SCLT1: variants seen among roughly 807,000 people sequenced by gnomAD.
SCLT1 encodes sodium channel-associated protein 1.
Under a neutral mutation model 112.8 loss-of-function variants are expected in SCLT1, and 78 were observed. The ratio of observed to expected loss-of-function variants is 0.69; its 90% confidence interval spans 0.58 to 0.83. The LOEUF (loss-of-function observed/expected upper bound fraction) is 0.83. Among genes scored for constraint, SCLT1 ranks in the 40% least tolerant of loss-of-function variants. The pLI, the probability that SCLT1 is intolerant of heterozygous loss-of-function variation, is 0.00. For missense variants in SCLT1, 747 were observed against 770.4 expected (o/e 0.97, Z 0.36); for synonymous variants, 257 against 254.7 (o/e 1.01, Z -0.09).
In SCLT1 at chr4:128,970,445, A is replaced by G. The variant is rs112139528; in HGVS notation, c.710T>C (p.Val237Ala). Residue 237 changes from valine (V) to alanine (A), a missense_variant, in exon 10 of 21, where the codon GTT becomes GCT. Physicochemically the swap from Val to Ala is moderately conservative, Grantham distance 64. Around this residue, in one of 2 missense-constraint regions of SCLT1, gnomAD observed 723 missense variants for 721.3 expected, o/e 1.00. Transcript: ENST00000281142. The stretch of plus-strand genomic sequence containing the variant: ...TAACTCTTCCACTTTTGCTACAGCA[A>G]CTCTCAGCTCTAATTTGGCTTGCCT... Reference protein sequence around the residue: ...KLRQAKLELRVAVAKVEELTN... With the variant: ...KLRQAKLELRAAVAKVEELTN... 1 of 1,604,598 alleles carries G rather than the reference A, an allele frequency of 6.2e-7. No homozygotes were observed. Among genetic ancestry groups the G allele is most frequent in the East Asian group, 2.2e-5 (1 of 44,724 alleles).
Position 128,999,717 on chromosome 4 carries a change from A to C in SCLT1, c.504T>G (p.His168Gln). 6.2e-7 allele frequency: 1 copy of C among 1,608,206 alleles called. No homozygotes were observed. The highest frequency in any genetic ancestry group is 8.5e-7 in the Non-Finnish European group (1 of 1,175,728). ...LDRLHKLYQEHMTEAQIHVFE... is the reference protein window; with the variant it reads ...LDRLHKLYQEQMTEAQIHVFE... ...ATACATGAATCTGGGCCTCAGTCAT[A>C]TGTTCCTGGTAAAGCTTGTGTAGTC... Residue 168 changes from histidine (H) to glutamine (Q), a missense_variant, in exon 7 of 21, where the codon CAT becomes CAG. Physicochemically the swap from His to Gln is conservative, Grantham distance 24. Around this residue, in one of 2 missense-constraint regions of SCLT1, gnomAD observed 723 missense variants for 721.3 expected, o/e 1.00. Coordinates refer to ENST00000281142, the MANE Select transcript of SCLT1 (RefSeq NM_144643.4).
intron 1 of SCLT1, among the ~76,000 whole-genome samples, chr4:129,091,544 T>C (rs72927913): frequency 0.014 from 2,178 of 152,138 alleles, 47 homozygotes; most frequent in African/African-American, 0.044. Context: ...AACCAATTCC[T>C]GTCCCACACT....
chr4:129,061,225 C>T (rs1042988503), intron 2 of SCLT1, among the ~76,000 whole-genome samples: 5 of 152,034 alleles, frequency 3.3e-5, no homozygotes, highest in East Asian at 1.9e-4. Context: ...AGGGCAGATG[C>T]GCGGCAGCAA....
rs189433518 is a variant in SCLT1, at chr4:128,943,201, C to T, written c.1440-13G>A. On this transcript the variant is annotated splice_polypyrimidine_tract_variant and intron_variant, in intron 16 of 20. Transcript: ENST00000281142. ...TTCTTCTGAGGAGCTGATTAAAAAA[C>T]GAAATGAAAAGAATCCTTAAACTTA... 117 of 1,572,518 alleles carry T rather than the reference C, an allele frequency of 7.4e-5. No homozygotes were observed. The African/African-American group carries it at 1.1e-3, about 15-fold the overall frequency.
chr4:128,891,138 C>T lies in SCLT1; in HGVS notation c.1830-1G>A. 1 of 1,607,658 alleles carries T rather than the reference C, an allele frequency of 6.2e-7. No homozygotes were observed. The highest frequency in any genetic ancestry group is 8.5e-7 in the Non-Finnish European group (1 of 1,175,142). ...AAGTTTCTGTCGACTCAGCTCACTC[C>T]TATTAAGAGCACCAAAAAATCCATT... On this transcript the variant is annotated splice_acceptor_variant, in intron 18 of 20. Transcript: ENST00000281142. LOFTEE classifies it high-confidence loss of function.
At chr4:128,953,121 T>G (rs1189763185) in intron 13 of SCLT1, among the ~76,000 whole-genome samples, 1 of 152,136 alleles carries the variant, frequency 6.6e-6, no homozygotes, top group Non-Finnish European at 1.5e-5. Flanking sequence ...TTATAATGGG[T>G]TCTATGAAAA....
intron 2 of SCLT1, among the ~76,000 whole-genome samples, chr4:129,081,557 A>C (rs1751940094): frequency 6.6e-6 from 1 of 152,114 alleles, no homozygotes; most frequent in Non-Finnish European, 1.5e-5. Context: ...GAGCAGGAGG[A>C]AGAGAGAGAA....
At chr4:129,051,409 T>C (rs1485000918) in intron 2 of SCLT1, among the ~76,000 whole-genome samples, 4 of 152,254 alleles carry the variant, frequency 2.6e-5, no homozygotes, top group Non-Finnish European at 2.9e-5. Context: ...CCTTGAGCAG[T>C]GGTTTGTAGT....
intron 2 of SCLT1, among the ~76,000 whole-genome samples, chr4:129,067,343 T>A (rs1397628285): frequency 6.6e-6 from 1 of 151,804 alleles, no homozygotes; most frequent in East Asian, 1.9e-4. Flanking sequence ...AATGATATGT[T>A]CACATGGTTC....
intron 5 of SCLT1, among the ~76,000 whole-genome samples, chr4:129,028,734 A>T (rs1200954567): frequency 6.6e-6 from 1 of 152,176 alleles, no homozygotes; most frequent in Non-Finnish European, 1.5e-5. Flanking sequence ...ATCAGAGTGA[A>T]CAGGCAACCT....
chr4:129,086,646 T>C (rs1752419582), intron 1 of SCLT1, among the ~76,000 whole-genome samples: 1 of 152,108 alleles, frequency 6.6e-6, no homozygotes, highest in Non-Finnish European at 1.5e-5. Context: ...GAGGTGTTAC[T>C]GGGCATCAGC....
intron 18 of SCLT1, among the ~76,000 whole-genome samples, chr4:128,907,121 A>T (rs1262497776): frequency 4.0e-5 from 5 of 123,928 alleles, no homozygotes; most frequent in Non-Finnish European, 8.0e-5. Context: ...TGAGATACAG[A>T]GTGTTACTAG....
At chr4:128,985,945 C>A (rs769802801) in intron 9 of SCLT1, among the ~76,000 whole-genome samples, 6 of 152,228 alleles carry the variant, frequency 3.9e-5, no homozygotes, top group Non-Finnish European at 7.4e-5. Context: ...GTAGAACTCT[C>A]CAACAACCAT....
At chr4:128,923,741 T>C (rs1317620896) in intron 18 of SCLT1, among the ~76,000 whole-genome samples, 1 of 152,090 alleles carries the variant, frequency 6.6e-6, no homozygotes, top group Non-Finnish European at 1.5e-5. Context: ...CCTGGTGATG[T>C]ACATTTGGGT....
chr4:129,083,414 A>G (rs1170426761), intron 1 of SCLT1, among the ~76,000 whole-genome samples: 3 of 149,510 alleles, frequency 2.0e-5, no homozygotes, highest in African/African-American at 7.3e-5. Flanking sequence ...ACAGTATGTT[A>G]TCTTACAATA....
chr4:128,950,739 T>C (rs193062705), intron 14 of SCLT1, among the ~76,000 whole-genome samples: 2 of 152,216 alleles, frequency 1.3e-5, no homozygotes, highest in Admixed American at 1.3e-4. Context: ...AAAAAAAGAC[T>C]TCCAAAAAAT....
At chr4:128,979,968 A>T (rs1435819298) in intron 9 of SCLT1, among the ~76,000 whole-genome samples, 1 of 152,252 alleles carries the variant, frequency 6.6e-6, no homozygotes, top group African/African-American at 2.4e-5. Context: ...TATAAACATT[A>T]TTGAATAAAG....
At chr4:128,897,110 T>C (rs1210045307) in intron 18 of SCLT1, among the ~76,000 whole-genome samples, 1 of 152,106 alleles carries the variant, frequency 6.6e-6, no homozygotes, top group Admixed American at 6.5e-5. Context: ...CAGGATATTA[T>C]CCAGGAGAAC....
At chr4:129,031,121 A>C (rs1036711093) in intron 5 of SCLT1, among the ~76,000 whole-genome samples, 4 of 152,166 alleles carry the variant, frequency 2.6e-5, no homozygotes, top group Non-Finnish European at 5.9e-5. Context: ...ACCAAGATCA[A>C]GTCGCTTTCA....
Sources: allele counts gnomAD v4.1 joint callset (sites outside exome capture counted in the v4.1 genomes callset), GRCh38; gene constraint gnomAD v4.1.1; regional missense constraint gnomAD v4.1.1; transcripts MANE v1.5; gene names NCBI Gene and HGNC (gene_info 2026-07-23, HGNC 2026-07-21).